Variants in NUP155 observed in about 807,000 individuals in gnomAD.
NUP155 encodes nuclear pore complex protein Nup155.
In NUP155, 71 loss-of-function variants were observed where a neutral mutation model predicts 180.4. The observed-to-expected ratio is 0.39, with a 90% CI of 0.33 to 0.48. The LOEUF is 0.48. NUP155 is among the 20% of genes least tolerant of loss of function. The pLI is 0.91. For missense variants in NUP155, 1,553 were observed against 1,648.9 expected (o/e 0.94, Z 1.01); for synonymous variants, 582 against 559.5 (o/e 1.04, Z -0.57).
chr5:37,294,590 G>GA (rs1182640160), intron 32 of NUP155, 125 bp from the exon 33 acceptor site: 10 of 970,166 alleles, frequency 1.0e-5, no homozygotes, highest in Non-Finnish European at 1.6e-5. Context: ...ATTTTTTGGG[G>GA]CGGGGGGTTT....
chr5:37,304,872 C>A (rs752068088), intron 26 of NUP155, 29 bp from the exon 27 acceptor site: 2 of 1,583,638 alleles, frequency 1.3e-6, no homozygotes, highest in Non-Finnish European at 8.7e-7. Flanking sequence ...TAAAAATTAG[C>A]AGTTAAAGGC....
chr5:37,311,881 C>T (rs969222147), intron 22 of NUP155, among the ~76,000 whole-genome samples: 5 of 152,080 alleles, frequency 3.3e-5, no homozygotes, highest in East Asian at 1.9e-4. Context: ...ATCAGCCAGG[C>T]GTTGTGGCAC....
At chr5:37,351,490 C>T (rs1746455045) in intron 5 of NUP155, 134 bp from the exon 6 acceptor site, 3 of 633,358 alleles carry the variant, frequency 4.7e-6, no homozygotes, top group Non-Finnish European at 8.0e-6. Context: ...CTCTGTCACC[C>T]AGGCTGGGTG....
Position 37,292,217 on chromosome 5 carries a change from ATT to A in NUP155, c.4038-181_4038-180del, listed in dbSNP as rs879236027. Among the ~76,000 whole-genome samples the A allele has an allele frequency of 0.047, 6,797 of 143,726 alleles. 532 individuals carry two copies. The highest frequency in any genetic ancestry group is 0.16 in the African/African-American group (6,481 of 39,530). 94.3% of individuals were successfully genotyped at this position (143,726 alleles called of 152,430 possible). ...GGGTGTAGGTGGGTTCCATTTGAAG[ATT>A]TTTTTTTTTTTTTTGAGACGGAGTC... On this transcript the variant is annotated intron_variant, in intron 34 of 34. Transcript: ENST00000231498.
At chr5:37,314,488 C>T (rs1406599942) in intron 21 of NUP155, among the ~76,000 whole-genome samples, 160 bp from the exon 22 acceptor site, 3 of 152,092 alleles carry the variant, frequency 2.0e-5, no homozygotes, top group East Asian at 1.9e-4. Context: ...TTATCTTCTC[C>T]GTGTGTGTAT....
chr5:37,293,372 T>C (rs1742334514), intron 33 of NUP155, among the ~76,000 whole-genome samples: 1 of 149,668 alleles, frequency 6.7e-6, no homozygotes, highest in Admixed American at 6.7e-5. Context: ...TAACAGAAAC[T>C]TAATTCTAGG....
chr5:37,318,590 G>A (rs917705530), intron 20 of NUP155, among the ~76,000 whole-genome samples: 3 of 152,152 alleles, frequency 2.0e-5, no homozygotes, highest in South Asian at 4.1e-4. Flanking sequence ...TCAAATTTTC[G>A]GAATGGGGTG....
At chr5:37,361,515 C>T (rs539060976) in intron 3 of NUP155, among the ~76,000 whole-genome samples, 3 of 152,282 alleles carry the variant, frequency 2.0e-5, no homozygotes, top group Non-Finnish European at 4.4e-5. Context: ...CTTATGCGGA[C>T]TAGGATTCCC....
chr5:37,365,711 G>GGAAAAAAAAAAAAAAAAAA lies in NUP155; in HGVS notation c.158-1328_158-1327insTTTTTTTTTTTTTTTTTTC, dbSNP rs1491216296. On this transcript the variant is annotated intron_variant, in intron 1 of 34. Coordinates refer to ENST00000231498, the MANE Select transcript of NUP155 (RefSeq NM_153485.3). ...TGACAGAGCAAGACTCTGTCTCGGG[G>GGAAAAAAAAAAAAAAAAAA]AGAAAAAAAAAAAAAAAAAAAAAAA... 8.8e-5 allele frequency among the ~76,000 whole-genome samples: 3 copies of GGAAAAAAAAAAAAAAAAAA among 34,016 alleles called. 1 individual carries two copies. The highest frequency in any genetic ancestry group is 1.6e-4 in the African/African-American group (1 of 6,322). 22.3% of individuals were successfully genotyped at this position (34,016 alleles called of 152,430 possible). A position where few individuals can be genotyped will look rare whatever the true frequency, so the allele number is the denominator to read the frequency against.
Position 37,314,321 on chromosome 5 carries a change from T to C in NUP155, c.2313A>G (p.Gln771=). 1 of 1,603,232 alleles carries C rather than the reference T, an allele frequency of 6.2e-7. No homozygotes were observed. The highest frequency in any genetic ancestry group is 1.1e-5 in the South Asian group (1 of 90,244). The change falls in exon 22 of 35, where the codon CAA becomes CAG. Residue 771 remains glutamine (Q), a synonymous_variant. Transcript: ENST00000231498. ...CCTGAAGTGAAATCTTTTCACTTAG[T>C]TGAGCCTCTAATGAGAAAACAAAAT... ...QELQRKFHEA[Q]LSEKISLQAI...
chr5:37,351,975 C>A (rs995704227), intron 5 of NUP155, among the ~76,000 whole-genome samples: 3 of 152,168 alleles, frequency 2.0e-5, no homozygotes, highest in East Asian at 1.9e-4. Context: ...GTAATCCCAG[C>A]ACTTTGGGAG....
chr5:37,319,693 T>C (rs1342224008), intron 20 of NUP155, among the ~76,000 whole-genome samples: 2 of 152,158 alleles, frequency 1.3e-5, no homozygotes, highest in African/African-American at 4.8e-5. Context: ...CAGTGAGAAC[T>C]TGTCTCTACA....
intron 4 of NUP155, 33 bp downstream of exon 4, chr5:37,358,048 A>T: frequency 6.8e-7 from 1 of 1,468,524 alleles, no homozygotes; most frequent in Non-Finnish European, 9.5e-7. Context: ...ACATATACAA[A>T]CATAATCTCT....
In NUP155 at chr5:37,363,929, G is replaced by A. The variant is rs1747377870; in HGVS notation, c.351C>T (p.Leu117=). 2 of 1,613,754 alleles carry A rather than the reference G, an allele frequency of 1.2e-6. No individual in the cohort carries two copies. Among genetic ancestry groups the A allele is most frequent in the African/African-American group, 1.3e-5 (1 of 74,912 alleles). ...GVFPPISRAW[L]TIDSDIFMWN... ...ACATGAATATATCACTGTCAATTGT[G>A]AGCCAAGCTCTGCTGATAGGAGGGA... The change falls in exon 3 of 35, where the codon CTC becomes CTT. Residue 117 remains leucine (L), a synonymous_variant. Transcript: ENST00000231498.
At chr5:37,315,416 C>T (rs1743822059) in intron 21 of NUP155, among the ~76,000 whole-genome samples, 1 of 152,168 alleles carries the variant, frequency 6.6e-6, no homozygotes, top group Non-Finnish European at 1.5e-5. Flanking sequence ...CTTGCTCTTT[C>T]CTTACTTGTT....
At chr5:37,330,250 T>C in intron 14 of NUP155, 118 bp from the exon 15 acceptor site, 1 of 723,880 alleles carries the variant, frequency 1.4e-6, no homozygotes, top group Non-Finnish European at 2.4e-6. Flanking sequence ...CAATAAATAC[T>C]TGCTGACTGA....
chr5:37,298,248 A>G (rs1003878378), intron 32 of NUP155, among the ~76,000 whole-genome samples: 2 of 152,038 alleles, frequency 1.3e-5, no homozygotes, highest in African/African-American at 2.4e-5. Flanking sequence ...AAAAAAAAAA[A>G]AAAAAGTTAT....
chr5:37,302,548 G>C (rs958245194), intron 29 of NUP155, among the ~76,000 whole-genome samples: 1 of 152,160 alleles, frequency 6.6e-6, no homozygotes, highest in African/African-American at 2.4e-5. Flanking sequence ...AAAACCTTTC[G>C]AAGTGCCAAA....
intron 11 of NUP155, among the ~76,000 whole-genome samples, chr5:37,340,261 C>T (rs1430130733): frequency 6.6e-6 from 1 of 151,892 alleles, no homozygotes; most frequent in Admixed American, 6.6e-5. Flanking sequence ...GGCAACATGG[C>T]AAAAGCCTAT....
Sources: gnomAD v4.1 joint callset for allele counts (sites outside exome capture counted in the v4.1 genomes callset) on GRCh38, gnomAD v4.1.1 for gene constraint, MANE v1.5 for transcripts, NCBI Gene and HGNC (gene_info 2026-07-23, HGNC 2026-07-21) for gene names.